Variants in CSMD1 observed in about 807,000 individuals in gnomAD.
CSMD1 encodes the protein CUB and Sushi multiple domains 1.
In CSMD1, 213 loss-of-function variants were observed where a neutral mutation model predicts 417.5. The observed-to-expected ratio is 0.51, with a 90% CI of 0.46 to 0.57. The LOEUF is 0.57. CSMD1 is among the 20% of genes least tolerant of loss of function. The pLI is 0.00. For synonymous variants in CSMD1, 2,862 were observed against 1,736.8 expected (o/e 1.65, Z -16.11); for missense variants, 6,923 against 4,529.7 (o/e 1.53, Z -15.17).
intron 26 of CSMD1, among the ~76,000 whole-genome samples, chr8:3,233,214 G>C (rs560171650): frequency 6.6e-6 from 1 of 152,020 alleles, no homozygotes; most frequent in Admixed American, 6.6e-5. Flanking sequence ...TGGGAGGTGA[G>C]GCCTTTAAGA....
chr8:3,082,345 G>A (rs766666173), intron 49 of CSMD1, among the ~76,000 whole-genome samples: 2 of 152,170 alleles, frequency 1.3e-5, no homozygotes, highest in Non-Finnish European at 2.9e-5. Context: ...TAAACTTGCA[G>A]CTGAGATTTC....
At chr8:4,176,630 C>G (rs547174232) in intron 3 of CSMD1, among the ~76,000 whole-genome samples, 3 of 149,260 alleles carry the variant, frequency 2.0e-5, no homozygotes, top group East Asian at 2.0e-4. Flanking sequence ...AAGACACAGA[C>G]TGGCAAATTG....
chr8:4,984,401 G>A (rs1313025252), intron 1 of CSMD1, among the ~76,000 whole-genome samples: 4 of 152,180 alleles, frequency 2.6e-5, no homozygotes, highest in Non-Finnish European at 5.9e-5. Context: ...CTTCCGATCC[G>A]ACCTTCAGCT....
At chr8:4,568,966 T>G (rs1389353084) in intron 2 of CSMD1, among the ~76,000 whole-genome samples, 2 of 152,154 alleles carry the variant, frequency 1.3e-5, no homozygotes, top group Non-Finnish European at 2.9e-5. Flanking sequence ...TTTGATGGGT[T>G]TTTTCTTGTA....
At chr8:4,031,608 G>A (rs942129101) in intron 4 of CSMD1, among the ~76,000 whole-genome samples, 3 of 151,882 alleles carry the variant, frequency 2.0e-5, no homozygotes, top group African/African-American at 7.2e-5. Context: ...ACTTGCTATT[G>A]ACTTTATGTG....
intron 3 of CSMD1, among the ~76,000 whole-genome samples, chr8:4,376,750 T>C (rs1293479908): frequency 3.3e-5 from 5 of 152,262 alleles, no homozygotes; most frequent in South Asian, 4.1e-4. Context: ...TTCACCCAGC[T>C]GCAATATTTT....
chr8:3,433,545 G>T (rs17066112), intron 12 of CSMD1, among the ~76,000 whole-genome samples: 2 of 151,862 alleles, frequency 1.3e-5, no homozygotes, highest in Non-Finnish European at 2.9e-5. Flanking sequence ...TGGTTCTTTC[G>T]GACAGTCTAA....
intron 5 of CSMD1, among the ~76,000 whole-genome samples, chr8:3,973,815 T>C (rs551924376): frequency 6.6e-6 from 1 of 152,318 alleles, no homozygotes; most frequent in South Asian, 2.1e-4. Context: ...GCCCTGGCCT[T>C]TTATGTGTTT....
At chr8:3,191,260 A>G (rs1456035345) in intron 33 of CSMD1, among the ~76,000 whole-genome samples, 1 of 152,122 alleles carries the variant, frequency 6.6e-6, no homozygotes, top group Non-Finnish European at 1.5e-5. Flanking sequence ...TTCGTTTATC[A>G]GCCTGGCCAA....
chr8:3,095,004 C>G (rs959588825), intron 47 of CSMD1, among the ~76,000 whole-genome samples: 3 of 152,058 alleles, frequency 2.0e-5, no homozygotes, highest in African/African-American at 4.8e-5. Context: ...TTGTCTCTAA[C>G]GTATTTTACC....
At chr8:3,520,936 G>T (rs944072266) in intron 10 of CSMD1, among the ~76,000 whole-genome samples, 1 of 152,020 alleles carries the variant, frequency 6.6e-6, no homozygotes, top group African/African-American at 2.4e-5. Context: ...ATGATTGTTG[G>T]TTCCTCCTTT....
chr8:4,554,573 C>A (rs1477127491), intron 2 of CSMD1, among the ~76,000 whole-genome samples: 1 of 152,170 alleles, frequency 6.6e-6, no homozygotes, highest in East Asian at 1.9e-4. Flanking sequence ...AAGAGCGAAG[C>A]TGTATATGAC....
intron 1 of CSMD1, among the ~76,000 whole-genome samples, chr8:4,840,246 G>A (rs953031743): frequency 1.6e-4 from 8 of 51,068 alleles, no homozygotes; most frequent in African/African-American, 3.6e-4. Flanking sequence ...ATCGCCAGCT[G>A]ATAGCCCTTT....
At chr8:4,148,756 C>T (rs1796416876) in intron 3 of CSMD1, among the ~76,000 whole-genome samples, 1 of 152,132 alleles carries the variant, frequency 6.6e-6, no homozygotes, top group African/African-American at 2.4e-5. Flanking sequence ...GCTCCACATC[C>T]TAATGCCATC....
chr8:2,995,590 G>A (rs647726), intron 54 of CSMD1, among the ~76,000 whole-genome samples: 4 of 151,942 alleles, frequency 2.6e-5, no homozygotes, highest in African/African-American at 4.8e-5. Flanking sequence ...ACACAAAATC[G>A]TGTTCATAAC....
At chr8:4,016,440 T>C (rs1482740991) in intron 4 of CSMD1, among the ~76,000 whole-genome samples, 1 of 152,104 alleles carries the variant, frequency 6.6e-6, no homozygotes, top group Non-Finnish European at 1.5e-5. Context: ...TGAGCCTGTC[T>C]CTTAGACGTC....
At chr8:4,015,448 A>G (rs1796475247) in intron 4 of CSMD1, among the ~76,000 whole-genome samples, 1 of 152,092 alleles carries the variant, frequency 6.6e-6, no homozygotes, top group Non-Finnish European at 1.5e-5. Flanking sequence ...ACATATTGCC[A>G]TTTCCAGTCA....
chr8:4,019,905 G>C (rs67782723), intron 4 of CSMD1, among the ~76,000 whole-genome samples: 13,567 of 126,484 alleles, frequency 0.11, 652 homozygotes, highest in Middle Eastern at 0.15. Flanking sequence ...AAGAATAGCA[G>C]TAATTCATTA....
chr8:4,722,054 G>A (rs191652313), intron 1 of CSMD1, among the ~76,000 whole-genome samples: 4 of 152,282 alleles, frequency 2.6e-5, no homozygotes, highest in African/African-American at 7.2e-5. Context: ...GTATGAAGTT[G>A]AACTTATGTA....
Sources: gnomAD v4.1 joint callset for allele counts (sites outside exome capture counted in the v4.1 genomes callset) on GRCh38, gnomAD v4.1.1 for gene constraint, MANE v1.5 for transcripts, NCBI Gene and HGNC (gene_info 2026-07-23, HGNC 2026-07-21) for gene names.